Variants in TNS1 observed in about 807,000 individuals in gnomAD.
The protein encoded by TNS1 is tensin-1.
TNS1 carries 62 observed loss-of-function variants against 168.6 expected under a neutral mutation model. That is an observed-to-expected ratio of 0.37 (90% CI 0.30 to 0.45). The LOEUF (loss-of-function observed/expected upper bound fraction) is 0.45, where lower values mean the gene tolerates loss of function less well. TNS1 is among the 20% of genes least tolerant of loss of function. The pLI is 1.00. For synonymous variants in TNS1, 934 were observed against 933.2 expected (o/e 1.00, Z -0.02); for missense variants, 2,240 against 2,339.4 (o/e 0.96, Z 0.88).
intron 1 of TNS1, among the ~76,000 whole-genome samples, chr2:217,996,019 G>A (rs1164437210): frequency 6.6e-6 from 1 of 152,192 alleles, no homozygotes; most frequent in Non-Finnish European, 1.5e-5. Context: ...GACAGCCTTG[G>A]CGAGAGTCCT....
Position 217,821,879 on chromosome 2 carries a change from C to A in TNS1, c.3433G>T (p.Asp1145Tyr). The change falls in exon 23 of 33, where the codon GAC (aspartate) becomes TAC (tyrosine). Residue 1145 changes from aspartate (D) to tyrosine (Y), a missense_variant. Physicochemically the swap from Asp to Tyr is radical, Grantham distance 160. Around this residue, in one of 2 missense-constraint regions of TNS1, gnomAD observed 2,131 missense variants for 2,171.2 expected, o/e 0.98. Transcript: ENST00000682258. ...GCACTAAAGCTCTTGGGCTCAGAGT[C>A]CTGAGCTCGGGGTCCAGCCACCGCT... ...RTAVAGPRAQ[D>Y]SEPKSFSAPA... is the part of the protein sequence containing the mutation. The A allele has an allele frequency of 6.3e-7, 1 of 1,590,022 alleles. No individual in the cohort carries two copies. Among genetic ancestry groups the A allele is most frequent in the Non-Finnish European group, 8.6e-7 (1 of 1,168,922 alleles).
intron 3 of TNS1, among the ~76,000 whole-genome samples, chr2:217,961,737 G>T (rs1190544601): frequency 1.3e-5 from 2 of 152,180 alleles, no homozygotes; most frequent in Admixed American, 6.5e-5. Context: ...CATAGGAAAT[G>T]ATTTCCATAC....
intron 22 of TNS1, among the ~76,000 whole-genome samples, chr2:217,828,526 G>T (rs1471436526): frequency 2.6e-5 from 4 of 152,146 alleles, no homozygotes; most frequent in Non-Finnish European, 5.9e-5. Context: ...ATCTTCCTGA[G>T]GGGGGGATGC....
intron 4 of TNS1, among the ~76,000 whole-genome samples, chr2:217,908,778 C>T (rs762698936): frequency 3.3e-5 from 5 of 152,056 alleles, no homozygotes; most frequent in Admixed American, 6.5e-5. Context: ...CAGCTGGGGA[C>T]GGTAGAGGGA....
chr2:217,893,053 C>T (rs1559313193), intron 10 of TNS1, 41 bp from the exon 11 acceptor site: 11 of 1,610,930 alleles, frequency 6.8e-6, no homozygotes, highest in Non-Finnish European at 9.3e-6. Flanking sequence ...TTTCTAAGGC[C>T]AGCCTTGCTG....
At position 217,848,230 on chromosome 2, in the gene TNS1, T is replaced by C. The variant is rs1191367282; in HGVS notation, c.2287A>G (p.Ser763Gly). ...QLPPAPVRGGSSREAVQRGLN... is the reference protein window; with the variant it reads ...QLPPAPVRGGGSREAVQRGLN... ...CCCCTTTGCACAGCCTCCCGGCTGC[T>C]TCCCCCTCGGACCGGAGCTGGGGGC... is the stretch of plus-strand genomic sequence containing the variant. The change falls in exon 19 of 33, where the codon AGC becomes GGC. Residue 763 changes from serine (S) to glycine (G), a missense_variant. Coordinates refer to ENST00000682258, the MANE Select transcript of TNS1 (RefSeq NM_001387777.1). 1.3e-6 allele frequency: 2 copies of C among 1,578,212 alleles called. No homozygotes were observed. The highest frequency in any genetic ancestry group is 2.2e-5 in the East Asian group (1 of 44,652).
chr2:217,855,908 G>A (rs1342814349), intron 18 of TNS1, among the ~76,000 whole-genome samples: 1 of 152,122 alleles, frequency 6.6e-6, no homozygotes, highest in Non-Finnish European at 1.5e-5. Flanking sequence ...TGCAGCAAAG[G>A]CTGAGCATGG....
chr2:217,835,327 C>T (rs936040944), intron 20 of TNS1, among the ~76,000 whole-genome samples, 161 bp from the exon 21 acceptor site: 2 of 152,210 alleles, frequency 1.3e-5, no homozygotes, highest in African/African-American at 4.8e-5. Context: ...GGTCCTGCCA[C>T]AGGCAGGAGA....
Position 217,813,739 on chromosome 2 carries a change from G to T in TNS1, c.4807C>A (p.Leu1603Met), listed in dbSNP as rs756515412. 1.9e-6 allele frequency: 3 copies of T among 1,614,016 alleles called. No individual in the cohort carries two copies. In the East Asian group the frequency reaches 6.7e-5, roughly 36 times the overall value. The change falls in exon 26 of 33, where the codon CTG (leucine) becomes ATG (methionine). Residue 1603 changes from leucine (L) to methionine (M), a missense_variant. Leu to Met is a conservative substitution (Grantham distance 15, BLOSUM62 2). Around this residue, in one of 2 missense-constraint regions of TNS1, gnomAD observed 2,131 missense variants for 2,171.2 expected, o/e 0.98. Transcript: ENST00000682258. This position sits in a 1 kb window ranked among gnomAD's most constrained non-coding sequence, Gnocchi z 4.0. The part of the protein sequence containing the change: ...DSHSFRGAYG[L>M]AMKVSSPPPT... ...GGTGGCGAAGACACCTTCATGGCCA[G>T]CCCGTACGCGCCTCGGAAGGAGTGA...
intron 3 of TNS1, among the ~76,000 whole-genome samples, chr2:217,941,730 C>G (rs1196044990): frequency 3.9e-5 from 6 of 152,292 alleles, no homozygotes; most frequent in African/African-American, 1.4e-4. Context: ...CGGCCTCTGT[C>G]TAAACTCCCC....
intron 3 of TNS1, among the ~76,000 whole-genome samples, chr2:217,939,958 G>A (rs1021122636): frequency 1.4e-4 from 22 of 152,248 alleles, no homozygotes; most frequent in African/African-American, 4.6e-4. Flanking sequence ...CCTCCTGGAC[G>A]GGAAAGCGCT....
rs947645621 is a variant in TNS1 at position 217,818,406 on chromosome 2, G to A, written c.3926C>T (p.Ala1309Val). 1.9e-6 allele frequency: 3 copies of A among 1,614,038 alleles called. No homozygotes were observed. Among genetic ancestry groups the A allele is most frequent in the African/African-American group, 1.3e-5 (1 of 74,950 alleles). The change falls in exon 24 of 33, where the codon GCT (alanine) becomes GTT (valine). Residue 1309 changes from alanine (A) to valine (V), a missense_variant. Ala to Val is a moderately conservative substitution (Grantham distance 64). This residue lies in a region of TNS1 where 2,131 missense variants were observed against 2,171.2 expected (regional missense o/e 0.98). Coordinates refer to ENST00000682258, the MANE Select transcript of TNS1 (RefSeq NM_001387777.1). ...FGWRAINPSM[A>V]APSSPSLSHH... ...GCTCAAACTGGGACTGCTGGGGGCAGCCATGCTGGGATTGATGGCCCGCCA... is the reference window on the plus strand; with the variant it reads ...GCTCAAACTGGGACTGCTGGGGGCAACCATGCTGGGATTGATGGCCCGCCA...
rs758169617 is a variant in TNS1 at position 217,809,973 on chromosome 2, A to G, written c.5123T>C (p.Val1708Ala). The change falls in exon 30 of 33, where the codon GTC becomes GCC. Residue 1708 changes from valine (V) to alanine (A), a missense_variant. Transcript: ENST00000682258. The part of the protein sequence containing the change: ...KQGAACNVLF[V>A]NSVDMESLTG... ...GAGTGACTCCATGTCCACAGAGTTG[A>G]CGAAGAGCACATTGCAGGCTGGAAG... The G allele has an allele frequency of 5.0e-6, 8 of 1,611,914 alleles. No homozygotes were observed. The highest frequency in any genetic ancestry group is 8.5e-7 in the Non-Finnish European group (1 of 1,178,534).
At chr2:217,811,641 G>A (rs1050318659) in intron 28 of TNS1, among the ~76,000 whole-genome samples, 1 of 152,202 alleles carries the variant, frequency 6.6e-6, no homozygotes, top group Non-Finnish European at 1.5e-5. Context: ...TGACCCTCAG[G>A]TGGGCCCTGT....
chr2:217,951,121 C>T (rs1410059674), intron 3 of TNS1, among the ~76,000 whole-genome samples: 2 of 152,172 alleles, frequency 1.3e-5, no homozygotes, highest in Non-Finnish European at 2.9e-5. Context: ...AGAAACCTGG[C>T]CCCATCCTAC....
At chr2:217,900,316 C>T in intron 7 of TNS1, 147 bp downstream of exon 7, 1 of 872,260 alleles carries the variant, frequency 1.1e-6, no homozygotes, top group Non-Finnish European at 1.8e-6. Flanking sequence ...CACGCATCCT[C>T]TCCTGTGCCT....
chr2:217,988,528 G>T (rs1004775939), intron 2 of TNS1, among the ~76,000 whole-genome samples: 23 of 152,206 alleles, frequency 1.5e-4, no homozygotes, highest in Admixed American at 1.4e-3. Context: ...AGGGAAGGAA[G>T]GAACCGTGGG....
intron 21 of TNS1, 96 bp downstream of exon 21, chr2:217,834,995 C>T (rs1043823604): frequency 1.8e-6 from 2 of 1,121,066 alleles, no homozygotes; most frequent in African/African-American, 1.6e-5. Context: ...GGCACTGTCA[C>T]CCCCAACCCT....
chr2:217,843,366 T>C (rs55763753), intron 19 of TNS1, among the ~76,000 whole-genome samples: 64,626 of 151,332 alleles, frequency 0.43, 14,591 homozygotes, highest in African/African-American at 0.59. Flanking sequence ...TCCCCCCATG[T>C]CCAACCTACT....
Sources: allele counts gnomAD v4.1 joint callset (sites outside exome capture counted in the v4.1 genomes callset), GRCh38; gene constraint gnomAD v4.1.1; regional missense constraint gnomAD v4.1.1; non-coding constraint Gnocchi (gnomAD v3.1); transcripts MANE v1.5; gene names NCBI Gene and HGNC (gene_info 2026-07-23, HGNC 2026-07-21).